The following TOP3A variants were observed in gnomAD, a reference collection of about 807,000 sequenced individuals.
TOP3A encodes the protein DNA topoisomerase III alpha.
Under a neutral mutation model 111.3 loss-of-function variants are expected in TOP3A, and 64 were observed. The observed-to-expected ratio is 0.57, with a 90% CI of 0.47 to 0.71. The LOEUF (loss-of-function observed/expected upper bound fraction) is 0.71. Among genes scored for constraint, TOP3A ranks in the 30% least tolerant of loss-of-function variants. The pLI, the probability that TOP3A is intolerant of heterozygous loss-of-function variation, is 0.00. For synonymous variants in TOP3A, 484 were observed against 485.1 expected, an observed-to-expected ratio of 1.00 and a Z score of 0.03; for missense variants, 1,104 against 1,285.0, an observed-to-expected ratio of 0.86 and a Z score of 2.15.
intron 16 of TOP3A, among the ~76,000 whole-genome samples, chr17:18,281,277 C>T (rs1979740001): frequency 1.3e-5 from 2 of 152,020 alleles, no homozygotes; most frequent in African/African-American, 4.8e-5. Flanking sequence ...GAAAAAAAAG[C>T]CCCGAACTCC....
rs1300564136 is a variant in TOP3A, at chr17:18,278,162, G to T, written c.2340C>A (p.His780Gln). Residue 780 changes from histidine to glutamine, a missense_variant, in exon 18 of 19, where the codon CAC (histidine) becomes CAA (glutamine). Transcript: ENST00000321105. ...TCTGTCTGCTGTCAGCAGGCTGGGG[G>T]TGCTGGCTGTTGTCCATCCTGTTCA... The part of the protein sequence containing the change: ...QSLNRMDNSQ[H>Q]PQPADSRQTG... 6.8e-6 allele frequency: 11 copies of T among 1,614,124 alleles called. No homozygotes were observed. The highest frequency in any genetic ancestry group is 9.3e-6 in the Non-Finnish European group (11 of 1,179,984).
At chr17:18,284,008 TTTG>T (rs1979928771) in intron 15 of TOP3A, among the ~76,000 whole-genome samples, 2 of 152,058 alleles carry the variant, frequency 1.3e-5, no homozygotes, top group African/African-American at 4.8e-5. Flanking sequence ...TTGATTTGTT[TTTG>T]TTGTTGTTGA....
intron 9 of TOP3A, among the ~76,000 whole-genome samples, chr17:18,296,013 G>A (rs1008200035): frequency 2.6e-5 from 4 of 151,690 alleles, no homozygotes; most frequent in Non-Finnish European, 4.4e-5. Flanking sequence ...TGATCTGCCC[G>A]CCTCAGCCTC....
At chr17:18,299,020 C>G (rs1422634975) in intron 9 of TOP3A, among the ~76,000 whole-genome samples, 10 of 151,372 alleles carry the variant, frequency 6.6e-5, no homozygotes, top group Non-Finnish European at 1.5e-4. Flanking sequence ...GCCAAATCCC[C>G]CTCTGTGAGA....
Position 18,291,038 on chromosome 17 carries a change from A to G in TOP3A, c.1282-11T>C. On this transcript the variant is annotated splice_polypyrimidine_tract_variant and intron_variant, in intron 11 of 18. Transcript: ENST00000321105. ...TCGCTGTTCATCTCCCTAGGAAGAA[A>G]AGAGGAGTACGAAACTCCCCCTAGA... is the stretch of plus-strand genomic sequence containing the variant. 1 of 1,613,304 alleles carries G rather than the reference A, an allele frequency of 6.2e-7. No individual in the cohort carries two copies. Among genetic ancestry groups the G allele is most frequent in the Non-Finnish European group, 8.5e-7 (1 of 1,179,592 alleles).
chr17:18,290,093 C>T (rs150196062), intron 13 of TOP3A, among the ~76,000 whole-genome samples: 1 of 152,368 alleles, frequency 6.6e-6, no homozygotes, highest in East Asian at 1.9e-4. Context: ...TTCAGACCTG[C>T]AGAGACAGCT....
chr17:18,314,640 T>A lies in TOP3A; in HGVS notation c.139A>T (p.Lys47Ter), dbSNP rs1262414506. The change falls in exon 1 of 19, where the codon AAG becomes TAG. Residue 47 changes from lysine (K) to a stop codon, truncating the protein, a stop_gained. Coordinates refer to ENST00000321105, the MANE Select transcript of TOP3A (RefSeq NM_004618.5). LOFTEE classifies it high-confidence loss of function. ...TTTGACAGCAGGTCGGCGATCCCCT[T>A]GGCCGCGTCGTTTTTTTCGGCCACA... ...LCVAEKNDAA[K>*]GIADLLSNGR... 1.9e-6 allele frequency: 3 copies of A among 1,613,358 alleles called. No homozygotes were observed. The Admixed American group carries it at 5.0e-5, about 27-fold the overall frequency.
chr17:18,291,160 G>C (rs1397155161), intron 11 of TOP3A, 133 bp from the exon 12 acceptor site: 3 of 877,440 alleles, frequency 3.4e-6, no homozygotes, highest in African/African-American at 3.4e-5. Flanking sequence ...CACTAACATG[G>C]AGTGCCAGGC....
At chr17:18,293,213 G>A (rs971186293) in intron 10 of TOP3A, among the ~76,000 whole-genome samples, 3 of 152,224 alleles carry the variant, frequency 2.0e-5, no homozygotes, top group Non-Finnish European at 2.9e-5. Context: ...TTCCACCAGC[G>A]TGTGCTTCAA....
intron 18 of TOP3A, among the ~76,000 whole-genome samples, chr17:18,275,384 G>C (rs1318831484): frequency 8.1e-6 from 1 of 123,668 alleles, no homozygotes; most frequent in East Asian, 2.4e-4. Flanking sequence ...TGGAGTCTTC[G>C]CTCTGTCACC....
rs758642389 is a variant in TOP3A, at chr17:18,301,918, C to T, written c.882G>A (p.Thr294=). 18 of 1,614,010 alleles carry T rather than the reference C, an allele frequency of 1.1e-5. No individual in the cohort carries two copies. The highest frequency in any genetic ancestry group is 8.9e-5 in the East Asian group (4 of 44,894). The change falls in exon 8 of 19, where the codon ACG becomes ACA. Residue 294 remains threonine, a synonymous_variant. Coordinates refer to ENST00000321105, the MANE Select transcript of TOP3A (RefSeq NM_004618.5). ...ACAACTGATAGAGAACTAGGCAAGC[C>T]GTGTGGTTAAAGAGTCGATGCCTTT... ...NWKRHRLFNH[T]ACLVLYQLCV... is the part of the protein sequence containing the mutation.
At position 18,292,865 on chromosome 17, in the gene TOP3A, C is replaced by T. The variant is rs752573983; in HGVS notation, c.1074-13G>A. 6.3e-7 allele frequency: 1 copy of T among 1,596,488 alleles called. No individual in the cohort carries two copies. On this transcript the variant is annotated splice_polypyrimidine_tract_variant and intron_variant, in intron 10 of 18. Transcript: ENST00000321105. ...ATAGCTGATGTACCTAAAACCAAGG[C>T]AAACAAACAGAAAAAGAAATTGCTA...
At chr17:18,276,200 C>T (rs1324679426) in intron 18 of TOP3A, among the ~76,000 whole-genome samples, 1 of 152,194 alleles carries the variant, frequency 6.6e-6, no homozygotes, top group Admixed American at 6.6e-5. Flanking sequence ...GTGGGAAAGA[C>T]AAGCAGCCTA....
intron 5 of TOP3A, among the ~76,000 whole-genome samples, chr17:18,303,688 T>C (rs1430092358): frequency 1.3e-5 from 2 of 152,134 alleles, no homozygotes; most frequent in East Asian, 3.8e-4. Flanking sequence ...TTTTGTTTGT[T>C]TTCCTGCTGA....
chr17:18,290,233 G>A (rs542083945), intron 13 of TOP3A, among the ~76,000 whole-genome samples: 10 of 152,262 alleles, frequency 6.6e-5, no homozygotes, highest in Admixed American at 6.5e-5. Context: ...GTTCTTATTC[G>A]AAAGAACAAC....
intron 15 of TOP3A, among the ~76,000 whole-genome samples, 188 bp downstream of exon 15, chr17:18,284,954 G>A (rs1979993118): frequency 6.6e-6 from 1 of 152,198 alleles, no homozygotes; most frequent in African/African-American, 2.4e-5. Flanking sequence ...AAAACCTCCA[G>A]GCCAGGAGGC....
intron 1 of TOP3A, among the ~76,000 whole-genome samples, chr17:18,314,361 C>T (rs574559947): frequency 6.6e-6 from 1 of 152,342 alleles, no homozygotes; most frequent in Admixed American, 6.5e-5. Flanking sequence ...TGGGAACCTG[C>T]TAAGCGCAAG....
chr17:18,272,435 C>CAA lies in TOP3A; in HGVS notation c.*2365_*2366dup, dbSNP rs746198628. On this transcript the variant is annotated 3_prime_UTR_variant, in exon 19 of 19. Transcript: ENST00000321105. The stretch of plus-strand genomic sequence containing the variant: ...ACAATTCCATTCCTCGGCATATGCC[C>CAA]AAAATAACTGAAAACAAGTCATCAG... Among the ~76,000 whole-genome samples, 2 of 152,142 alleles carry CAA rather than the reference C, an allele frequency of 1.3e-5. No homozygotes were observed. Among genetic ancestry groups the CAA allele is most frequent in the Non-Finnish European group, 2.9e-5 (2 of 68,018 alleles).
chr17:18,293,428 A>G (rs1036984636), intron 10 of TOP3A, among the ~76,000 whole-genome samples: 1 of 148,476 alleles, frequency 6.7e-6, no homozygotes, highest in Admixed American at 6.7e-5. Flanking sequence ...TGGGACTACA[A>G]GTGTGTGGCA....
Sources: gnomAD v4.1 joint callset for allele counts (sites outside exome capture counted in the v4.1 genomes callset) on GRCh38, gnomAD v4.1.1 for gene constraint, MANE v1.5 for transcripts, NCBI Gene and HGNC (gene_info 2026-07-23, HGNC 2026-07-21) for gene names.